PLCE1: variants seen among roughly 807,000 people sequenced by gnomAD.
PLCE1 encodes phospholipase C epsilon 1.
In PLCE1, 119 loss-of-function variants were observed where a neutral mutation model predicts 242.8. The ratio of observed to expected loss-of-function variants is 0.49; its 90% CI spans 0.42 to 0.57. The LOEUF is 0.57. Among genes scored for constraint, PLCE1 ranks in the 20% least tolerant of loss-of-function variants. PLCE1 has a pLI of 0.00. For missense variants in PLCE1, 2,441 were observed against 2,788.8 expected, an observed-to-expected ratio of 0.88 and a Z score of 2.81; for synonymous variants, 945 against 1,017.4, an observed-to-expected ratio of 0.93 and a Z score of 1.35.
chr10:94,071,163 G>A (rs2044340872), intron 2 of PLCE1, among the ~76,000 whole-genome samples: 1 of 152,112 alleles, frequency 6.6e-6, no homozygotes, highest in Admixed American at 6.6e-5. Flanking sequence ...CCACCAAGAC[G>A]TAGTCATCCA....
chr10:94,229,637 G>A (rs10159554), intron 5 of PLCE1, among the ~76,000 whole-genome samples: 56,309 of 152,048 alleles, frequency 0.37, 10,721 homozygotes, highest in East Asian at 0.58. Flanking sequence ...CGGCCTCAGA[G>A]TGACCTATGG....
At chr10:94,296,982 T>A (rs2052847495) in intron 23 of PLCE1, among the ~76,000 whole-genome samples, 1 of 152,092 alleles carries the variant, frequency 6.6e-6, no homozygotes, top group African/African-American at 2.4e-5. Context: ...CAAGCGATTC[T>A]CCTGCCTCAG....
chr10:94,063,636 GAGTAC>G (rs990494980), intron 2 of PLCE1, among the ~76,000 whole-genome samples: 30 of 152,314 alleles, frequency 2.0e-4, no homozygotes, highest in African/African-American at 6.3e-4. Flanking sequence ...TTGCCACTGG[GAGTAC>G]AGTGGCAAAC....
chr10:94,159,062 G>GT (rs201386616), intron 3 of PLCE1, among the ~76,000 whole-genome samples: 17 of 151,324 alleles, frequency 1.1e-4, no homozygotes, highest in Admixed American at 9.9e-4. Flanking sequence ...AGCAAAAGTT[G>GT]TTTTTTTTAT....
intron 2 of PLCE1, among the ~76,000 whole-genome samples, chr10:94,071,814 C>A (rs2044368763): frequency 6.6e-6 from 1 of 152,102 alleles, no homozygotes; most frequent in African/African-American, 2.4e-5. Flanking sequence ...ATTTCTTTCC[C>A]CCTCAGTGCT....
intron 4 of PLCE1, among the ~76,000 whole-genome samples, chr10:94,220,376 T>TTTTATATA (rs1554887054): frequency 3.2e-5 from 2 of 61,876 alleles, no homozygotes; most frequent in South Asian, 8.7e-4. Context: ...ACTAAACATT[T>TTTTATATA]TATATATATA....
chr10:94,001,895 T>C (rs1473641820), intron 1 of PLCE1, among the ~76,000 whole-genome samples: 1 of 152,218 alleles, frequency 6.6e-6, no homozygotes, highest in African/African-American at 2.4e-5. Context: ...CATGAAATTG[T>C]ATTCCTTTTC....
chr10:94,070,789 T>G (rs2044329852), intron 2 of PLCE1, among the ~76,000 whole-genome samples: 1 of 152,166 alleles, frequency 6.6e-6, no homozygotes, highest in Non-Finnish European at 1.5e-5. Flanking sequence ...ATTCTATACC[T>G]TCAAGCCATG....
chr10:94,071,303 T>C (rs1465691409), intron 2 of PLCE1, among the ~76,000 whole-genome samples: 2 of 151,992 alleles, frequency 1.3e-5, no homozygotes, highest in Non-Finnish European at 1.5e-5. Context: ...TCACTGAAGC[T>C]CTTCATCTTT....
intron 10 of PLCE1, 33 bp downstream of exon 10, chr10:94,254,340 T>C: frequency 6.9e-7 from 1 of 1,455,884 alleles, no homozygotes; most frequent in Non-Finnish European, 9.7e-7. Context: ...GAGATTTTTG[T>C]TTTTTAATTT....
rs771182277 is a variant in PLCE1 at position 94,106,912 on chromosome 10, T to TTCTC, written c.1207-25233_1207-25230dup. The stretch of plus-strand genomic sequence containing the variant: ...GACTGGTGCTCGTGTTGTCTCTTGT[T>TTCTC]TCTCTCTCTCTCTCTCTCTCTCTCT... On this transcript the variant is annotated intron_variant, in intron 2 of 32. Transcript: ENST00000371380. Among the ~76,000 whole-genome samples, 268 of 38,752 alleles carry TTCTC rather than the reference T, an allele frequency of 6.9e-3. 4 individuals carry two copies. The highest frequency in any genetic ancestry group is 0.018 in the East Asian group (22 of 1,218). 25.4% of individuals were successfully genotyped at this position (38,752 alleles called of 152,430 possible). A position where few individuals can be genotyped will look rare whatever the true frequency, so the allele number is the denominator to read the frequency against.
chr10:94,182,019 A>G (rs768072098), intron 4 of PLCE1, among the ~76,000 whole-genome samples: 2 of 152,186 alleles, frequency 1.3e-5, no homozygotes, highest in Non-Finnish European at 2.9e-5. Context: ...AACATCAGTC[A>G]CAGCAGTACT....
intron 4 of PLCE1, among the ~76,000 whole-genome samples, chr10:94,172,154 C>G (rs2048003805): frequency 6.6e-6 from 1 of 152,130 alleles, no homozygotes; most frequent in Non-Finnish European, 1.5e-5. Flanking sequence ...TAGGGACTCA[C>G]TGGGAGATCA....
intron 7 of PLCE1, among the ~76,000 whole-genome samples, chr10:94,241,723 G>A (rs190109602): frequency 0.012 from 1,742 of 149,326 alleles, 38 homozygotes; most frequent in African/African-American, 0.041. Flanking sequence ...GGAGGCGGAG[G>A]TTGCAGTGAG....
Position 94,268,949 on chromosome 10 carries a change from A to C in PLCE1, c.4302A>C (p.Arg1434=), listed in dbSNP as rs762133144. ...LYSQVLLQGC[R]SVELDCWDGD... ...CACAGGTCCTTTTGCAAGGCTGTCG[A>C]AGTGTAGAATTGGACTGCTGGGACG... The change falls in exon 17 of 33, where the codon CGA becomes CGC. Residue 1434 remains arginine (R), a synonymous_variant. Transcript: ENST00000371380. 2.1e-5 allele frequency: 34 copies of C among 1,611,908 alleles called. No individual in the cohort carries two copies. The highest frequency in any genetic ancestry group is 2.2e-5 in the Non-Finnish European group (26 of 1,178,122).
intron 4 of PLCE1, among the ~76,000 whole-genome samples, chr10:94,216,913 G>A (rs1197193211): frequency 6.6e-6 from 1 of 151,406 alleles, no homozygotes; most frequent in Non-Finnish European, 1.5e-5. Flanking sequence ...GGCTGTGTGG[G>A]GAGCAAAGCT....
intron 4 of PLCE1, among the ~76,000 whole-genome samples, chr10:94,224,932 G>C (rs959619404): frequency 6.6e-6 from 1 of 152,164 alleles, no homozygotes; most frequent in African/African-American, 2.4e-5. Context: ...GTGGACCAGG[G>C]TTTGTCCCAA....
chr10:94,240,679 A>G (rs2050475642), intron 7 of PLCE1, among the ~76,000 whole-genome samples: 1 of 152,156 alleles, frequency 6.6e-6, no homozygotes, highest in African/African-American at 2.4e-5. Context: ...AGGTTAACAA[A>G]TACCTGTTGA....
chr10:94,205,152 A>C (rs1318008347), intron 4 of PLCE1, among the ~76,000 whole-genome samples: 1 of 152,214 alleles, frequency 6.6e-6, no homozygotes, highest in Non-Finnish European at 1.5e-5. Flanking sequence ...GATTCCTTAC[A>C]CGTCCTTTAA....
Sources: allele counts gnomAD v4.1 joint callset (sites outside exome capture counted in the v4.1 genomes callset), GRCh38; gene constraint gnomAD v4.1.1; transcripts MANE v1.5; gene names NCBI Gene and HGNC (gene_info 2026-07-23, HGNC 2026-07-21).